EDIL3: variants seen among roughly 807,000 people sequenced by gnomAD.
EDIL3 encodes the protein EGF-like repeat and discoidin I-like domain-containing protein 3.
In EDIL3, 37 loss-of-function variants were observed where a neutral mutation model predicts 67.4. The observed-to-expected ratio is 0.55, with a 90% CI of 0.42 to 0.72. The LOEUF is 0.72. Among genes scored for constraint, EDIL3 ranks in the 30% least tolerant of loss-of-function variants. The probability of loss-of-function intolerance (pLI) is 0.00; values close to 1 mark genes in which losing one functional copy is unlikely to be tolerated. For missense variants in EDIL3, 527 were observed against 586.3 expected (o/e 0.90, Z 1.04); for synonymous variants, 195 against 196.3 (o/e 0.99, Z 0.05).
In EDIL3 at chr5:84,238,671, T is replaced by TTTTTTG. The variant is rs1006594641; in HGVS notation, c.197-8788_197-8787insCAAAAA. On this transcript the variant is annotated intron_variant, in intron 2 of 10. Transcript: ENST00000296591. ...ACAGGAGCTAAAATTAAATGTTTTT[T>TTTTTTG]TTTTTTTTTTTTCAGAATCATTAGG... Among the ~76,000 whole-genome samples the TTTTTTG allele has an allele frequency of 6.7e-5, 10 of 148,556 alleles. 1 individual carries two copies. Among genetic ancestry groups the TTTTTTG allele is most frequent in the African/African-American group, 2.5e-4 (10 of 40,160 alleles).
intron 1 of EDIL3, among the ~76,000 whole-genome samples, chr5:84,263,589 T>G (rs1242552293): frequency 6.6e-6 from 1 of 152,182 alleles, no homozygotes; most frequent in Non-Finnish European, 1.5e-5. Context: ...TCTAAATCAT[T>G]GTTTGCTTTT....
chr5:84,138,227 G>A (rs1190452229), intron 4 of EDIL3, among the ~76,000 whole-genome samples: 1 of 152,144 alleles, frequency 6.6e-6, no homozygotes, highest in Non-Finnish European at 1.5e-5. Flanking sequence ...AGCTATTCCA[G>A]TTGAGCTCCC....
chr5:84,348,241 G>A (rs1747273296), intron 1 of EDIL3, among the ~76,000 whole-genome samples: 1 of 152,140 alleles, frequency 6.6e-6, no homozygotes, highest in South Asian at 2.1e-4. Flanking sequence ...AGTCCCTGCA[G>A]TCATTGCTTG....
At chr5:84,113,212 C>T (rs1288112541) in intron 5 of EDIL3, among the ~76,000 whole-genome samples, 1 of 152,158 alleles carries the variant, frequency 6.6e-6, no homozygotes, top group Non-Finnish European at 1.5e-5. Flanking sequence ...ATATGGTAGT[C>T]TGCATTTCCT....
At chr5:84,340,503 A>ACTCTCTCTCTCTCTCTCTCTCTCTCT (rs1170972212) in intron 1 of EDIL3, among the ~76,000 whole-genome samples, 2 of 38,692 alleles carry the variant, frequency 5.2e-5, no homozygotes, top group Non-Finnish European at 8.9e-5. Context: ...AGGGAAGATT[A>ACTCTCTCTCTCTCTCTCTCTCTCTCT]CTCTCTCTCT....
chr5:84,049,832 T>C (rs1746297170), intron 9 of EDIL3, among the ~76,000 whole-genome samples: 1 of 152,120 alleles, frequency 6.6e-6, no homozygotes, highest in Non-Finnish European at 1.5e-5. Context: ...CATGTCCCGA[T>C]AGAAATAGCA....
chr5:84,379,873 T>A (rs1336318375), intron 1 of EDIL3, among the ~76,000 whole-genome samples: 2 of 152,086 alleles, frequency 1.3e-5, no homozygotes, highest in East Asian at 3.9e-4. Context: ...ATGACTTGAC[T>A]TCTTTTATTT....
chr5:84,076,917 T>C (rs1746868587), intron 6 of EDIL3, among the ~76,000 whole-genome samples: 1 of 152,204 alleles, frequency 6.6e-6, no homozygotes, highest in African/African-American at 2.4e-5. Context: ...GCAAAGGCTT[T>C]TCCTGTAGAC....
intron 3 of EDIL3, among the ~76,000 whole-genome samples, chr5:84,192,555 A>C (rs1580370021): frequency 6.6e-6 from 1 of 151,662 alleles, no homozygotes; most frequent in East Asian, 1.9e-4. Flanking sequence ...ACTCTCCTCT[A>C]TTGTTTATTT....
chr5:84,172,009 T>A (rs1371733910), intron 4 of EDIL3, among the ~76,000 whole-genome samples: 1 of 152,144 alleles, frequency 6.6e-6, no homozygotes. Context: ...TTCAAATCTC[T>A]ATGGATTGGC....
chr5:84,384,400 G>A lies in EDIL3; in HGVS notation c.-26C>T, dbSNP rs759641692. 5.3e-5 allele frequency: 85 copies of A among 1,612,038 alleles called. No individual in the cohort carries two copies. Among genetic ancestry groups the A allele is most frequent in the Non-Finnish European group, 6.5e-5 (77 of 1,179,152 alleles). On this transcript the variant is annotated 5_prime_UTR_variant, in exon 1 of 11. Coordinates refer to ENST00000296591, the MANE Select transcript of EDIL3 (RefSeq NM_005711.5). ...GATCCCGTCTCCCGGACGTGACCCC[G>A]GCTGGTCAGGGGTCGTCGCGGAGGG...
rs139427069 is a variant in EDIL3, at chr5:84,089,358, T to C, written c.651+17291A>G. Reference sequence around the variant, plus strand: ...GATGAACTCCTTTTCTTGAATTTGATAGATATCTTAGTAGTTAATGATGCA... The same window carrying C: ...GATGAACTCCTTTTCTTGAATTTGACAGATATCTTAGTAGTTAATGATGCA... On this transcript the variant is annotated intron_variant, in intron 6 of 10. Coordinates refer to ENST00000296591, the MANE Select transcript of EDIL3 (RefSeq NM_005711.5). 1.7e-3 allele frequency among the ~76,000 whole-genome samples: 254 copies of C among 152,356 alleles called. 1 individual carries two copies. The highest frequency in any genetic ancestry group is 5.9e-3 in the African/African-American group (246 of 41,586).
chr5:84,262,059 C>T (rs1205849605), intron 1 of EDIL3, among the ~76,000 whole-genome samples: 1 of 152,128 alleles, frequency 6.6e-6, no homozygotes, highest in African/African-American at 2.4e-5. Context: ...AATCTTTTTG[C>T]ATATGTTTTA....
chr5:84,246,336 C>A (rs73142630), intron 2 of EDIL3, among the ~76,000 whole-genome samples: 1 of 152,168 alleles, frequency 6.6e-6, no homozygotes, highest in South Asian at 2.1e-4. Flanking sequence ...ACTGCCACTA[C>A]GTAATAGTAG....
chr5:84,371,341 A>ATATATATATATATGTGTG (rs1008172581), intron 1 of EDIL3, among the ~76,000 whole-genome samples: 116 of 129,684 alleles, frequency 8.9e-4, no homozygotes, highest in African/African-American at 3.1e-3. Flanking sequence ...ATATATATAT[A>ATATATATATATATGTGTG]TGTGTGTGTG....
chr5:83,954,888 C>T (rs1173201456), intron 10 of EDIL3, among the ~76,000 whole-genome samples: 1 of 151,802 alleles, frequency 6.6e-6, no homozygotes, highest in East Asian at 1.9e-4. Context: ...CTCCTGCTTT[C>T]ATCAGGTTCA....
At chr5:84,026,904 GC>G (rs1345005914) in intron 9 of EDIL3, among the ~76,000 whole-genome samples, 1 of 151,936 alleles carries the variant, frequency 6.6e-6, no homozygotes, top group Non-Finnish European at 1.5e-5. Flanking sequence ...TGGCAACATG[GC>G]AAAACCCGTC....
intron 1 of EDIL3, among the ~76,000 whole-genome samples, chr5:84,360,675 G>C (rs574444419): frequency 6.6e-6 from 1 of 152,168 alleles, no homozygotes; most frequent in African/African-American, 2.4e-5. Context: ...TATGAAAGTA[G>C]AACCTGGTAT....
chr5:84,260,311 C>T (rs1427601176), intron 1 of EDIL3, among the ~76,000 whole-genome samples: 4 of 152,102 alleles, frequency 2.6e-5, no homozygotes, highest in African/African-American at 4.8e-5. Flanking sequence ...TAAAGCCTAA[C>T]GAAGAGCATT....
Sources: allele counts gnomAD v4.1 joint callset (sites outside exome capture counted in the v4.1 genomes callset), GRCh38; gene constraint gnomAD v4.1.1; transcripts MANE v1.5; gene names NCBI Gene and HGNC (gene_info 2026-07-23, HGNC 2026-07-21).